ECD: variants seen among roughly 807,000 people sequenced by gnomAD.
ECD encodes the protein ecdysoneless cell cycle regulator.
Under a neutral mutation model 77.2 loss-of-function variants are expected in ECD, and 59 were observed. The observed-to-expected ratio is 0.76, with a 90% CI of 0.62 to 0.95. The LOEUF (loss-of-function observed/expected upper bound fraction) is 0.95, where lower values mean the gene tolerates loss of function less well. ECD is among the 40% of genes least tolerant of loss of function. The probability of loss-of-function intolerance (pLI) is 0.00; values close to 1 mark genes in which losing one functional copy is unlikely to be tolerated. For synonymous variants in ECD, 233 were observed against 267.4 expected, an observed-to-expected ratio of 0.87 and a Z score of 1.26; for missense variants, 704 against 763.4, an observed-to-expected ratio of 0.92 and a Z score of 0.92.
intron 9 of ECD, among the ~76,000 whole-genome samples, chr10:73,142,632 C>CAAAAAA (rs35853120): frequency 1.4e-5 from 1 of 74,052 alleles, no homozygotes; most frequent in African/African-American, 3.8e-5. Flanking sequence ...GACTCCATCT[C>CAAAAAA]AAAAAAAAAA....
rs1170936092 is a variant in ECD, at chr10:73,160,446, T to G, written c.311A>C (p.Glu104Ala). ...ATAACTACAATACCTTGCTACTAAC[T>G]CTGGAAATTCCTTTGTGATCTGCTT... ...VIKQITKEFP[E>A]LVARIEDNDG... Residue 104 changes from glutamate (E) to alanine (A), a missense_variant, in exon 3 of 14, where the codon GAG becomes GCG. Glu to Ala is a moderately radical substitution (Grantham distance 107). This residue lies in a region of ECD where 559 missense variants were observed against 583.7 expected (regional missense o/e 0.96). Coordinates refer to ENST00000372979, the MANE Select transcript of ECD (RefSeq NM_007265.3). 6.3e-7 allele frequency: 1 copy of G among 1,597,218 alleles called. No homozygotes were observed. Among genetic ancestry groups the G allele is most frequent in the Admixed American group, 1.8e-5 (1 of 56,450 alleles).
At chr10:73,160,245 C>T (rs1843357448) in intron 3 of ECD, among the ~76,000 whole-genome samples, 189 bp downstream of exon 3, 1 of 150,336 alleles carries the variant, frequency 6.7e-6, no homozygotes. Flanking sequence ...AAGATCACAC[C>T]ACTGCACTCC....
chr10:73,165,494 G>A (rs1357638651), intron 1 of ECD, among the ~76,000 whole-genome samples: 1 of 151,920 alleles, frequency 6.6e-6, no homozygotes, highest in Non-Finnish European at 1.5e-5. Flanking sequence ...TGGGACTATA[G>A]GCGCACGCCA....
intron 10 of ECD, 46 bp downstream of exon 10, chr10:73,139,585 A>AT (rs546818557): frequency 0.024 from 25,743 of 1,082,218 alleles, no homozygotes; most frequent in Non-Finnish European, 0.027. Context: ...GAACATTTTA[A>AT]TTTTTTTTTT....
intron 11 of ECD, among the ~76,000 whole-genome samples, chr10:73,138,720 C>A (rs12247503): frequency 0.025 from 3,870 of 152,218 alleles, 160 homozygotes; most frequent in African/African-American, 0.082. Context: ...GCGTGCGCCA[C>A]CATACCCGGC....
chr10:73,152,246 T>C (rs7069878), intron 7 of ECD, 47 bp downstream of exon 7: 152,317 of 1,595,064 alleles, frequency 0.095, 12,234 homozygotes, highest in African/African-American at 0.34. Flanking sequence ...CTATTAAGAG[T>C]CCATTTACAT....
chr10:73,157,493 C>T (rs536931915), intron 3 of ECD, among the ~76,000 whole-genome samples: 43 of 151,140 alleles, frequency 2.8e-4, no homozygotes, highest in Middle Eastern at 6.8e-3. Context: ...CCGAGGTGGG[C>T]GGATCACCTG....
In ECD at chr10:73,134,660, T is replaced by G; in HGVS notation, c.1858A>C (p.Asn620His). 6.2e-7 allele frequency: 1 copy of G among 1,614,216 alleles called. No homozygotes were observed. The highest frequency in any genetic ancestry group is 2.2e-5 in the East Asian group (1 of 44,888). Residue 620 changes from asparagine to histidine, a missense_variant, in exon 14 of 14, where the codon AAT becomes CAT. Physicochemically the swap from Asn to His is moderately conservative, Grantham distance 68 (BLOSUM62 1). Transcript: ENST00000372979. ...SQAGLAGPASNLLQSMGVQLP... is the reference protein window; with the variant it reads ...SQAGLAGPASHLLQSMGVQLP... Reference sequence around the variant, plus strand: ...TGCACTCCCATGCTTTGTAAAAGATTGGAAGCAGGTCCTGCCAGTCCAGCT... The same window carrying G: ...TGCACTCCCATGCTTTGTAAAAGATGGGAAGCAGGTCCTGCCAGTCCAGCT...
chr10:73,139,856 T>G (rs1229030872), intron 9 of ECD, 119 bp from the exon 10 acceptor site: 21 of 675,348 alleles, frequency 3.1e-5, no homozygotes, highest in African/African-American at 2.3e-4. Context: ...AGTGTTTTTT[T>G]TTTTTTTTTT....
rs910324318 is a variant in ECD at position 73,159,190 on chromosome 10, G to T, written c.323+1244C>A. Among the ~76,000 whole-genome samples the T allele has an allele frequency of 1.3e-5, 2 of 152,218 alleles. 1 individual carries two copies. The highest frequency in any genetic ancestry group is 1.3e-4 in the Admixed American group (2 of 15,288). On this transcript the variant is annotated intron_variant, in intron 3 of 13. Coordinates refer to ENST00000372979, the MANE Select transcript of ECD (RefSeq NM_007265.3). ...GTGGGTAAAAAAAGATCAGAATTTG[G>T]GTGCTGACTAGGAAAACTAGGACAA...
rs775910776 is a variant in ECD at position 73,163,823 on chromosome 10, T to C, written c.115A>G (p.Ile39Val). ...DKHKEILQKYIERIITRFAPM... is the reference protein window; with the variant it reads ...DKHKEILQKYVERIITRFAPM... ...GCAAACCGAGTGATTATTCTCTCAA[T>C]GTACTTCTGAAGAATCTCTTTATGT... The change falls in exon 2 of 14, where the codon ATT becomes GTT. Residue 39 changes from isoleucine to valine, a missense_variant. By Grantham distance (29) the Ile-to-Val change is conservative (BLOSUM62 3). Around this residue, in one of 3 missense-constraint regions of ECD, gnomAD observed 559 missense variants for 583.7 expected, o/e 0.96. Coordinates refer to ENST00000372979, the MANE Select transcript of ECD (RefSeq NM_007265.3). 1.5e-5 allele frequency: 25 copies of C among 1,614,190 alleles called. No individual in the cohort carries two copies. The highest frequency in any genetic ancestry group is 1.9e-5 in the Non-Finnish European group (22 of 1,180,016).
chr10:73,145,140 G>C (rs573595185), intron 9 of ECD, among the ~76,000 whole-genome samples: 3 of 152,256 alleles, frequency 2.0e-5, no homozygotes, highest in African/African-American at 7.2e-5. Flanking sequence ...AAGGTGGGTG[G>C]ATCACCTGAG....
chr10:73,157,243 T>G (rs1318725929), intron 3 of ECD, among the ~76,000 whole-genome samples: 9 of 150,668 alleles, frequency 6.0e-5, no homozygotes, highest in Non-Finnish European at 1.2e-4. Context: ...AGAGACAGGG[T>G]TTCGCCATGT....
chr10:73,141,372 CGTG>C, intron 9 of ECD: 1 of 155,798 alleles, frequency 6.4e-6, no homozygotes. Flanking sequence ...ATTAGCTGGG[CGTG>C]GTGGTGGGTA....
In ECD at chr10:73,146,377, A is replaced by C; in HGVS notation, c.1042-16T>G. The C allele has an allele frequency of 6.8e-7, 1 of 1,465,998 alleles. No homozygotes were observed. Among genetic ancestry groups the C allele is most frequent in the Non-Finnish European group, 9.3e-7 (1 of 1,071,860 alleles). The allele number at this position is 1,465,998 out of a possible 1,614,324, so 90.8% of individuals were successfully genotyped here. Reference sequence around the variant, plus strand: ...CTATCAGTCCCTTAAAAAAAAAAAAAGGTCTATCAGAACATTACTCACAAG... The same window carrying C: ...CTATCAGTCCCTTAAAAAAAAAAAACGGTCTATCAGAACATTACTCACAAG... On this transcript the variant is annotated splice_polypyrimidine_tract_variant and intron_variant, in intron 8 of 13. Transcript: ENST00000372979.
rs1442402867 is a variant in ECD at position 73,134,750 on chromosome 10, C to T, written c.1768G>A (p.Val590Ile). 1.2e-6 allele frequency: 2 copies of T among 1,614,138 alleles called. No individual in the cohort carries two copies. Among genetic ancestry groups the T allele is most frequent in the East Asian group, 2.2e-5 (1 of 44,886 alleles). The change falls in exon 14 of 14, where the codon GTT becomes ATT. Residue 590 changes from valine to isoleucine, a missense_variant. Val to Ile is a conservative substitution (Grantham distance 29). Coordinates refer to ENST00000372979, the MANE Select transcript of ECD (RefSeq NM_007265.3). ...DEEDSGTGES[V>I]MAPVDVDLNL... The stretch of plus-strand genomic sequence containing the variant: ...AGGTCTACATCTACTGGTGCCATAA[C>T]AGATTCTCCCGTACCAGAATCTTCC...
chr10:73,140,113 T>C (rs1046479907), intron 9 of ECD, among the ~76,000 whole-genome samples: 3 of 151,962 alleles, frequency 2.0e-5, no homozygotes, highest in Non-Finnish European at 2.9e-5. Flanking sequence ...ACCTCCCAAG[T>C]AGCTGAGACT....
chr10:73,136,567 CAG>C (rs1842975738), intron 13 of ECD, 135 bp downstream of exon 13: 2 of 768,238 alleles, frequency 2.6e-6, no homozygotes, highest in East Asian at 2.7e-5. Context: ...TTTATCCTAC[CAG>C]AGTTAGGAAA....
rs1338517213 is a variant in ECD, at chr10:73,154,333, A to C, written c.706T>G (p.Tyr236Asp). The C allele has an allele frequency of 6.2e-7, 1 of 1,614,144 alleles. No homozygotes were observed. Among genetic ancestry groups the C allele is most frequent in the South Asian group, 1.1e-5 (1 of 91,082 alleles). ...CGCAGGTCAATAGGGTCTCGTAGGT[A>C]AAATGCCTGGACTGCTGCAGCCACC... ...RLVAAAVQAFYLRDPIDLRAC... is the reference protein window; with the variant it reads ...RLVAAAVQAFDLRDPIDLRAC... The change falls in exon 6 of 14, where the codon TAC becomes GAC. Residue 236 changes from tyrosine to aspartate, a missense_variant. Coordinates refer to ENST00000372979, the MANE Select transcript of ECD (RefSeq NM_007265.3).
Sources: gnomAD v4.1 joint callset for allele counts (sites outside exome capture counted in the v4.1 genomes callset) on GRCh38, gnomAD v4.1.1 for gene constraint, gnomAD v4.1.1 regional missense constraint, MANE v1.5 for transcripts, NCBI Gene and HGNC (gene_info 2026-07-23, HGNC 2026-07-21) for gene names.